GPHN: variants seen among roughly 807,000 people sequenced by gnomAD.
GPHN encodes the protein gephyrin.
A neutral mutation model predicts 95.5 loss-of-function variants in GPHN; 17 were observed. The observed-to-expected ratio is 0.18, with a 90% CI of 0.12 to 0.27. The LOEUF (loss-of-function observed/expected upper bound fraction) is 0.27. Among genes scored for constraint, GPHN ranks in the 10% least tolerant of loss-of-function variants. GPHN has a pLI of 1.00. For synonymous variants in GPHN, 320 were observed against 322.5 expected (o/e 0.99, Z 0.08); for missense variants, 660 against 978.1 (o/e 0.67, Z 4.34).
the GPHN span, chr14:67,316,767 T>TA: frequency 0.074 from 94,094 of 1,268,794 alleles, 7,154 homozygotes; most frequent in East Asian, 0.37. Context: ...CCTTCTTGAT[T>TA]AAAAAAAAAA....
At chr14:67,317,299 C>T in the GPHN span, 1 of 1,013,188 alleles carries the variant, frequency 9.9e-7, no homozygotes, top group South Asian at 1.8e-5. Context: ...CTCGTTTCTG[C>T]AAAAAAATTT....
At chr14:67,682,997 T>A in the GPHN span, among the ~76,000 whole-genome samples, 1 of 152,208 alleles carries the variant, frequency 6.6e-6, no homozygotes, top group Non-Finnish European at 1.5e-5. Context: ...ACATACCATA[T>A]GATTCCATTT....
intron 2 of GPHN, among the ~76,000 whole-genome samples, chr14:66,754,512 G>A (rs1299590542): frequency 6.6e-6 from 1 of 151,910 alleles, no homozygotes; most frequent in Admixed American, 6.6e-5. Context: ...TTATGCAGCA[G>A]GTGAAGAAAT....
At chr14:67,059,014 GAA>G (rs77636679) in intron 11 of GPHN, 5,433 of 369,978 alleles carry the variant, frequency 0.015, no homozygotes, top group Middle Eastern at 0.021. Context: ...TTAAAAAAAG[GAA>G]AAAAAAAAAA....
chr14:66,643,131 A>G (rs2064525769), intron 1 of GPHN, among the ~76,000 whole-genome samples: 1 of 152,146 alleles, frequency 6.6e-6, no homozygotes, highest in African/African-American at 2.4e-5. Flanking sequence ...CAAATAGTAT[A>G]TGTTCAATAT....
chr14:67,535,531 G>A, the GPHN span, among the ~76,000 whole-genome samples: 31 of 151,900 alleles, frequency 2.0e-4, 1 homozygote, highest in African/African-American at 2.7e-4. Context: ...ACAGGCATGC[G>A]CCACCACACC....
intron 8 of GPHN, among the ~76,000 whole-genome samples, chr14:66,928,172 T>C (rs1007013136): frequency 1.3e-5 from 2 of 152,186 alleles, no homozygotes; most frequent in African/African-American, 4.8e-5. Flanking sequence ...TTCTTTTCTT[T>C]GCTGGGAGAC....
intron 4 of GPHN, among the ~76,000 whole-genome samples, chr14:66,869,824 C>A (rs963752803): frequency 2.0e-5 from 3 of 152,050 alleles, no homozygotes; most frequent in African/African-American, 7.2e-5. Flanking sequence ...TTTATTATTA[C>A]CTCCATTATA....
intron 2 of GPHN, among the ~76,000 whole-genome samples, chr14:66,690,722 C>G (rs1436382337): frequency 3.9e-5 from 6 of 152,112 alleles, no homozygotes; most frequent in African/African-American, 1.4e-4. Flanking sequence ...TTTGTTATCT[C>G]CTTTACTGAA....
chr14:67,573,329 G>A, the GPHN span: 11 of 1,613,800 alleles, frequency 6.8e-6, no homozygotes, highest in Admixed American at 5.0e-5. The surrounding 1 kb of genome is among the most constrained non-coding windows in gnomAD (Gnocchi z 4.8). Flanking sequence ...AGGTGAAGAC[G>A]TGGAAGAGGC....
the GPHN span, chr14:67,674,806 G>A: frequency 8.2e-6 from 2 of 243,562 alleles, no homozygotes; most frequent in East Asian, 7.7e-5. Context: ...CCGGGTCCGG[G>A]TTGGGGAAAG....
intron 1 of GPHN, among the ~76,000 whole-genome samples, chr14:66,630,985 A>G (rs1442130327): frequency 6.6e-6 from 1 of 151,550 alleles, no homozygotes; most frequent in Non-Finnish European, 1.5e-5. Flanking sequence ...TGTCAGGATT[A>G]TTGTCCCATG....
intron 1 of GPHN, among the ~76,000 whole-genome samples, chr14:66,515,406 G>T (rs1291598853): frequency 6.6e-6 from 1 of 152,106 alleles, no homozygotes; most frequent in Non-Finnish European, 1.5e-5. Context: ...TTTTTAAAAG[G>T]TATGTTTTTC....
intron 1 of GPHN, among the ~76,000 whole-genome samples, chr14:66,638,467 A>G (rs1034362557): frequency 6.6e-6 from 1 of 152,022 alleles, no homozygotes; most frequent in African/African-American, 2.4e-5. Context: ...CAACAACAAC[A>G]ACAAACAAAC....
chr14:67,450,227 C>T, the GPHN span, among the ~76,000 whole-genome samples: 2 of 152,012 alleles, frequency 1.3e-5, no homozygotes, highest in Non-Finnish European at 2.9e-5. Flanking sequence ...AAACCTCTTT[C>T]TTTTGTAAAT....
intron 9 of GPHN, among the ~76,000 whole-genome samples, chr14:67,004,820 T>C (rs892759600): frequency 6.6e-5 from 10 of 151,774 alleles, no homozygotes; most frequent in African/African-American, 2.4e-4. Context: ...GTCAGGTTGG[T>C]AGTAAGGCTT....
the GPHN span, among the ~76,000 whole-genome samples, chr14:67,225,597 C>T: frequency 6.6e-6 from 1 of 152,078 alleles, no homozygotes; most frequent in Admixed American, 6.6e-5. Context: ...TTTAGATCAG[C>T]CAATACAATC....
chr14:67,624,641 C>T, the GPHN span, among the ~76,000 whole-genome samples: 1 of 152,138 alleles, frequency 6.6e-6, no homozygotes, highest in Non-Finnish European at 1.5e-5. Flanking sequence ...CCATTAGGAA[C>T]AACCCCCATG....
chr14:67,315,287 T>A, the GPHN span, among the ~76,000 whole-genome samples: 1 of 144,180 alleles, frequency 6.9e-6, no homozygotes, highest in Non-Finnish European at 1.5e-5. Context: ...TTTTTTTTTT[T>A]TTTTTTTGAG....
Sources: gnomAD v4.1 joint callset for allele counts (sites outside exome capture counted in the v4.1 genomes callset) on GRCh38, gnomAD v4.1.1 for gene constraint, Gnocchi (gnomAD v3.1) non-coding constraint, MANE v1.5 for transcripts, NCBI Gene and HGNC (gene_info 2026-07-23, HGNC 2026-07-21) for gene names.